Variants in GPR176 observed in about 807,000 individuals in gnomAD.
The protein encoded by GPR176 is G-protein coupled receptor 176.
GPR176 carries 26 observed loss-of-function variants against 35.4 expected under a neutral mutation model. The ratio of observed to expected loss-of-function variants is 0.74; its 90% confidence interval spans 0.54 to 1.02. GPR176 has a LOEUF of 1.02. Ranked by LOEUF, GPR176 falls within the 50% of genes least tolerant of loss-of-function variation. The pLI is 0.00. For synonymous variants in GPR176, 278 were observed against 271.3 expected (o/e 1.02, Z -0.24); for missense variants, 597 against 665.3 (o/e 0.90, Z 1.13).
intron 1 of GPR176, among the ~76,000 whole-genome samples, chr15:39,882,433 G>GA (rs1413144566): frequency 6.6e-6 from 1 of 152,150 alleles, no homozygotes; most frequent in Non-Finnish European, 1.5e-5. Context: ...ATATTTGAGG[G>GA]ATAAGTACTT....
At chr15:39,827,663 A>C (rs1223106291) in intron 1 of GPR176, among the ~76,000 whole-genome samples, 3 of 152,214 alleles carry the variant, frequency 2.0e-5, no homozygotes, top group African/African-American at 7.2e-5. Flanking sequence ...AGATTGCTAC[A>C]GATATCTGAA....
intron 1 of GPR176, among the ~76,000 whole-genome samples, chr15:39,893,654 G>A (rs536428080): frequency 6.6e-6 from 1 of 152,026 alleles, no homozygotes; most frequent in Non-Finnish European, 1.5e-5. Context: ...CGGGCAGAGG[G>A]GCTCCTCACT....
intron 1 of GPR176, among the ~76,000 whole-genome samples, chr15:39,882,869 T>G (rs1365369597): frequency 6.6e-6 from 1 of 152,248 alleles, no homozygotes; most frequent in Non-Finnish European, 1.5e-5. Context: ...TGAATGAGAC[T>G]GGAACATTCC....
intron 1 of GPR176, among the ~76,000 whole-genome samples, chr15:39,909,368 G>A (rs407282): frequency 0.41 from 61,822 of 152,076 alleles, 13,046 homozygotes; most frequent in African/African-American, 0.51. Flanking sequence ...ATCACTGTAC[G>A]TATTTCTTGA....
intron 1 of GPR176, among the ~76,000 whole-genome samples, chr15:39,824,403 T>C (rs1244750840): frequency 6.6e-6 from 1 of 152,216 alleles, no homozygotes; most frequent in African/African-American, 2.4e-5. Flanking sequence ...CTCACTAAGT[T>C]TACCTCACTT....
chr15:39,810,995 A>G (rs1001891052), intron 1 of GPR176, among the ~76,000 whole-genome samples: 3 of 152,202 alleles, frequency 2.0e-5, no homozygotes, highest in Non-Finnish European at 2.9e-5. Flanking sequence ...GGTTTAAAGA[A>G]TTGTGTGAAG....
At chr15:39,882,227 A>G (rs540173620) in intron 1 of GPR176, among the ~76,000 whole-genome samples, 1 of 152,332 alleles carries the variant, frequency 6.6e-6, no homozygotes, top group African/African-American at 2.4e-5. Flanking sequence ...TTAATGACAA[A>G]TCACATGCTC....
intron 1 of GPR176, among the ~76,000 whole-genome samples, chr15:39,918,528 C>T (rs1261980117): frequency 6.6e-6 from 1 of 152,190 alleles, no homozygotes; most frequent in Non-Finnish European, 1.5e-5. Context: ...CAATAACCCA[C>T]ACTTTAAGTG....
At chr15:39,855,050 C>CAAA (rs1158490962) in intron 1 of GPR176, among the ~76,000 whole-genome samples, 1 of 121,790 alleles carries the variant, frequency 8.2e-6, no homozygotes. Flanking sequence ...GACCCTGTCT[C>CAAA]AAAAAAAAAA....
intron 1 of GPR176, among the ~76,000 whole-genome samples, chr15:39,882,021 C>G (rs146256435): frequency 1.5e-4 from 23 of 152,304 alleles, no homozygotes; most frequent in Non-Finnish European, 2.9e-4. Flanking sequence ...ATGTGCACAG[C>G]AATGTCCCTA....
intron 1 of GPR176, among the ~76,000 whole-genome samples, chr15:39,859,151 A>T (rs1208615687): frequency 6.6e-6 from 1 of 152,234 alleles, no homozygotes; most frequent in East Asian, 1.9e-4. Flanking sequence ...TCTTTAAAAG[A>T]TTATAAAATG....
chr15:39,881,213 G>T (rs538040453), intron 1 of GPR176, among the ~76,000 whole-genome samples: 1 of 152,264 alleles, frequency 6.6e-6, no homozygotes, highest in South Asian at 2.1e-4. Flanking sequence ...TCATATTTCT[G>T]TCTTCCCCAA....
At chr15:39,864,858 C>A (rs1157495934) in intron 1 of GPR176, among the ~76,000 whole-genome samples, 4 of 150,668 alleles carry the variant, frequency 2.7e-5, no homozygotes, top group African/African-American at 9.7e-5. Flanking sequence ...CCCAATAATC[C>A]CATTAAAAAG....
chr15:39,860,971 G>A (rs1214984458), intron 1 of GPR176: 1 of 152,132 alleles, frequency 6.6e-6, no homozygotes, highest in Non-Finnish European at 1.5e-5. Context: ...CACTACTAAT[G>A]GAGGTTCTGA....
At chr15:39,871,253 T>C (rs1374985987) in intron 1 of GPR176, among the ~76,000 whole-genome samples, 3 of 152,112 alleles carry the variant, frequency 2.0e-5, no homozygotes, top group Non-Finnish European at 2.9e-5. Context: ...TTGCATCATA[T>C]CCTCAACAAG....
chr15:39,861,518 C>G (rs2140827452), intron 1 of GPR176, among the ~76,000 whole-genome samples: 1 of 151,372 alleles, frequency 6.6e-6, no homozygotes, highest in African/African-American at 2.4e-5. Context: ...CACTGCACTC[C>G]AGCCTGGTGA....
intron 1 of GPR176, among the ~76,000 whole-genome samples, chr15:39,904,064 A>T (rs1351254800): frequency 2.0e-5 from 3 of 152,122 alleles, no homozygotes; most frequent in African/African-American, 4.8e-5. Context: ...TTGCCATGGC[A>T]TTTGTAAACT....
chr15:39,829,032 C>T, intron 1 of GPR176: 1 of 728,560 alleles, frequency 1.4e-6, no homozygotes, highest in Non-Finnish European at 2.4e-6. Flanking sequence ...AGGTACTATT[C>T]TATCCCATTT....
Position 39,800,961 on chromosome 15 carries a change from AC to A in GPR176, c.*170del, listed in dbSNP as rs1251390173. ...TACATATACTCCCTCAATAAAGAGG[AC>A]ACTGGATTTTATGTAGATTTCCCTA... On this transcript the variant is annotated 3_prime_UTR_variant, in exon 3 of 3. Transcript: ENST00000561100. 3.2e-6 allele frequency: 2 copies of A among 619,976 alleles called. No individual in the cohort carries two copies. Among genetic ancestry groups the A allele is most frequent in the Non-Finnish European group, 5.7e-6 (2 of 352,064 alleles). 38.4% of individuals were successfully genotyped at this position (619,976 alleles called of 1,614,324 possible).
Sources: gnomAD v4.1 joint callset for allele counts (sites outside exome capture counted in the v4.1 genomes callset) on GRCh38, gnomAD v4.1.1 for gene constraint, MANE v1.5 for transcripts, NCBI Gene and HGNC (gene_info 2026-07-23, HGNC 2026-07-21) for gene names.